LASP1NB: variants seen among roughly 807,000 people sequenced by gnomAD.
LASP1NB encodes the protein LASP1 neighbor.
At chr17:38,925,635 C>T in the LASP1NB span, 17 of 398,332 alleles carry the variant, frequency 4.3e-5, no homozygotes, top group Non-Finnish European at 5.3e-5. Flanking sequence ...CTGCAACCTC[C>T]GTGCTCACAG....
At chr17:38,926,745 T>C in the LASP1NB span, 1 of 152,208 alleles carries the variant, frequency 6.6e-6, no homozygotes, top group Non-Finnish European at 1.5e-5. Flanking sequence ...AACTGCACAT[T>C]ACACTCAAAT....
At chr17:38,928,501 A>C in the LASP1NB span, 1 of 152,142 alleles carries the variant, frequency 6.6e-6, no homozygotes, top group Non-Finnish European at 1.5e-5. Context: ...TTTAACTGCA[A>C]AACTCTTTTT....
At chr17:38,927,238 C>A in the LASP1NB span, 1 of 152,052 alleles carries the variant, frequency 6.6e-6, no homozygotes, top group Non-Finnish European at 1.5e-5. Context: ...GTAGAATTGG[C>A]CTGCAAATCT....
chr17:38,927,211 G>A, the LASP1NB span: 57,703 of 151,910 alleles, frequency 0.38, 11,237 homozygotes, highest in East Asian at 0.5. Flanking sequence ...AAGAAACTAT[G>A]TATTTTGGGA....
the LASP1NB span, chr17:38,928,793 T>C: frequency 6.6e-6 from 1 of 152,232 alleles, no homozygotes; most frequent in African/African-American, 2.4e-5. Context: ...TGTTTCGAAC[T>C]ATAATTTCCG....
chr17:38,928,594 T>C, the LASP1NB span: 1 of 152,200 alleles, frequency 6.6e-6, no homozygotes, highest in Non-Finnish European at 1.5e-5. Flanking sequence ...ATAATTTGCC[T>C]AAACTGTTTA....
the LASP1NB span, chr17:38,929,071 A>C: frequency 1.2e-4 from 18 of 152,252 alleles, no homozygotes; most frequent in African/African-American, 4.3e-4. Context: ...GGTACAATGT[A>C]AGGAGAGAGG....
the LASP1NB span, chr17:38,926,766 C>T: frequency 6.6e-6 from 1 of 152,102 alleles, no homozygotes; most frequent in African/African-American, 2.4e-5. Context: ...ATGTTCCTTC[C>T]TTCTCACACA....
chr17:38,926,099 G>A, the LASP1NB span, among the ~76,000 whole-genome samples: 2 of 152,020 alleles, frequency 1.3e-5, no homozygotes, highest in African/African-American at 4.8e-5. Context: ...TGGTGGGGAG[G>A]GACTATTATT....
the LASP1NB span, chr17:38,927,762 G>A: frequency 2.0e-5 from 3 of 152,130 alleles, no homozygotes; most frequent in African/African-American, 7.2e-5. Flanking sequence ...TATGGACAAG[G>A]CCGGGCACGG....
At chr17:38,925,692 C>T in the LASP1NB span, 2 of 398,656 alleles carry the variant, frequency 5.0e-6, no homozygotes, top group Non-Finnish European at 8.8e-6. Context: ...TAGGAATCCA[C>T]AATGCTGGAT....
the LASP1NB span, chr17:38,927,042 G>A: frequency 1.3e-5 from 2 of 151,966 alleles, no homozygotes; most frequent in Admixed American, 1.3e-4. Context: ...AATTATAAAT[G>A]ATAGAAACAA....
chr17:38,928,895 G>C, the LASP1NB span: 1 of 152,200 alleles, frequency 6.6e-6, no homozygotes, highest in African/African-American at 2.4e-5. Context: ...AGTTAGTTAT[G>C]ATGGTATAGA....
At chr17:38,926,813 TTG>T in the LASP1NB span, 1 of 152,246 alleles carries the variant, frequency 6.6e-6, no homozygotes, top group Non-Finnish European at 1.5e-5. Context: ...GAAGTTCAAG[TTG>T]TCCATCTTCA....
chr17:38,925,754 A>G, the LASP1NB span: 1 of 398,408 alleles, frequency 2.5e-6, no homozygotes, highest in African/African-American at 2.1e-5. Flanking sequence ...TCTGTCCTAC[A>G]TTATCTATCT....
the LASP1NB span, chr17:38,929,158 CT>C: frequency 6.6e-6 from 1 of 152,078 alleles, no homozygotes; most frequent in African/African-American, 2.4e-5. Flanking sequence ...AATTATATGA[CT>C]TTGTGCTTAT....
chr17:38,928,503 ACT>A, the LASP1NB span: 4 of 151,180 alleles, frequency 2.6e-5, no homozygotes, highest in African/African-American at 4.9e-5. Context: ...TAACTGCAAA[ACT>A]CTTTTTTTTT....
chr17:38,926,240 T>C, the LASP1NB span, among the ~76,000 whole-genome samples: 1 of 152,214 alleles, frequency 6.6e-6, no homozygotes, highest in Non-Finnish European at 1.5e-5. Flanking sequence ...CTTGTATAAT[T>C]GCATTACTTA....
At chr17:38,928,098 G>A in the LASP1NB span, 1 of 152,148 alleles carries the variant, frequency 6.6e-6, no homozygotes, top group Non-Finnish European at 1.5e-5. Flanking sequence ...CACTATTCTG[G>A]AAGCTTTGTT....
Sources: gnomAD v4.1 joint callset for allele counts (sites outside exome capture counted in the v4.1 genomes callset) on GRCh38, gnomAD v4.1.1 for gene constraint, MANE v1.5 for transcripts, NCBI Gene and HGNC (gene_info 2026-07-23, HGNC 2026-07-21) for gene names.